KIFAP3: variants seen among roughly 807,000 people sequenced by gnomAD.
KIFAP3 encodes the protein kinesin associated protein 3.
In KIFAP3, 68 loss-of-function variants were observed where a neutral mutation model predicts 106.5. That is an observed-to-expected ratio of 0.64 (90% CI 0.53 to 0.78). The LOEUF (loss-of-function observed/expected upper bound fraction) is 0.78. KIFAP3 is among the 30% of genes least tolerant of loss of function. The pLI, the probability that KIFAP3 is intolerant of heterozygous loss-of-function variation, is 0.00. For missense variants in KIFAP3, 780 were observed against 941.8 expected, an observed-to-expected ratio of 0.83 and a Z score of 2.25; for synonymous variants, 320 against 311.5, an observed-to-expected ratio of 1.03 and a Z score of -0.29.
At chr1:170,017,489 T>A (rs1237580983) in intron 9 of KIFAP3, among the ~76,000 whole-genome samples, 1 of 152,142 alleles carries the variant, frequency 6.6e-6, no homozygotes. Flanking sequence ...AGCCAGTGGA[T>A]CGGCATTTAG....
intron 3 of KIFAP3, among the ~76,000 whole-genome samples, chr1:170,039,803 A>G (rs2102065608): frequency 6.6e-6 from 1 of 152,288 alleles, no homozygotes; most frequent in East Asian, 1.9e-4. Flanking sequence ...ATAATAAATT[A>G]AAAGGCAAAC....
intron 19 of KIFAP3, among the ~76,000 whole-genome samples, chr1:169,927,219 T>C (rs906156100): frequency 2.6e-5 from 4 of 152,102 alleles, no homozygotes; most frequent in African/African-American, 7.2e-5. Flanking sequence ...TACAATGTGG[T>C]TAAGTATAGT....
At chr1:170,024,623 A>C in intron 8 of KIFAP3, 27 bp from the exon 9 acceptor site, 1 of 1,337,514 alleles carries the variant, frequency 7.5e-7, no homozygotes, top group African/African-American at 1.5e-5. Flanking sequence ...TATGAGAGAT[A>C]AAGAATTAGT....
At chr1:169,985,372 T>C (rs1666768139) in intron 11 of KIFAP3, among the ~76,000 whole-genome samples, 1 of 151,806 alleles carries the variant, frequency 6.6e-6, no homozygotes. Context: ...AAAGGATTGA[T>C]TAGACATATA....
chr1:170,004,831 G>T (rs1304701907), intron 10 of KIFAP3, among the ~76,000 whole-genome samples: 5 of 149,942 alleles, frequency 3.3e-5, no homozygotes, highest in Non-Finnish European at 4.5e-5. Flanking sequence ...CAAAAGCAAT[G>T]GCAACAAAAG....
chr1:170,064,670 A>G (rs116437708), intron 1 of KIFAP3, among the ~76,000 whole-genome samples: 3,704 of 152,268 alleles, frequency 0.024, 134 homozygotes, highest in African/African-American at 0.072. Flanking sequence ...CTCATTTAAT[A>G]TGTTTATATC....
intron 1 of KIFAP3, among the ~76,000 whole-genome samples, chr1:170,070,612 C>T (rs1671659715): frequency 6.6e-6 from 1 of 151,992 alleles, no homozygotes; most frequent in South Asian, 2.1e-4. Flanking sequence ...ACTAGATAGT[C>T]ACATATAAAA....
intron 5 of KIFAP3, among the ~76,000 whole-genome samples, chr1:170,037,107 G>T (rs1261120772): frequency 6.6e-6 from 1 of 152,048 alleles, no homozygotes; most frequent in Non-Finnish European, 1.5e-5. Flanking sequence ...GTGTGGTATT[G>T]GTATGTATAT....
chr1:169,938,119 T>C (rs980407298), intron 19 of KIFAP3, among the ~76,000 whole-genome samples: 1 of 151,950 alleles, frequency 6.6e-6, no homozygotes, highest in African/African-American at 2.4e-5. Flanking sequence ...TGGGACATTA[T>C]AAGAGTTGCT....
At position 170,074,692 on chromosome 1, in the gene KIFAP3, G is replaced by T; in HGVS notation, c.-225C>A. 1 of 1,408,872 alleles carries T rather than the reference G, an allele frequency of 7.1e-7. No homozygotes were observed. The allele number at this position is 1,408,872 out of a possible 1,614,324, so 87.3% of individuals were successfully genotyped here. A position where few individuals can be genotyped will look rare whatever the true frequency, so the allele number is the denominator to read the frequency against. Reference sequence around the variant, plus strand: ...GAGCGGCCCAGACCCGCCCAGAGTCGCCTAAGCCGGGCCGTCACGACGCAT... The same window carrying T: ...GAGCGGCCCAGACCCGCCCAGAGTCTCCTAAGCCGGGCCGTCACGACGCAT... On this transcript the variant is annotated 5_prime_UTR_variant, in exon 1 of 20. Transcript: ENST00000361580.
intron 1 of KIFAP3, among the ~76,000 whole-genome samples, chr1:170,061,421 A>G (rs976781325): frequency 1.3e-5 from 2 of 152,240 alleles, no homozygotes; most frequent in African/African-American, 2.4e-5. Flanking sequence ...AATGCTCATC[A>G]TCACTGGCCA....
intron 19 of KIFAP3, among the ~76,000 whole-genome samples, chr1:169,935,463 G>A (rs1278139142): frequency 6.6e-6 from 1 of 151,660 alleles, no homozygotes. Context: ...GAAAAAGCAG[G>A]GTGTATCAAC....
chr1:170,080,376 C>A (rs940834085), intron 1 of KIFAP3, among the ~76,000 whole-genome samples: 1 of 152,008 alleles, frequency 6.6e-6, no homozygotes, highest in African/African-American at 2.4e-5. Flanking sequence ...TAACTCCAAT[C>A]AAATACTAGC....
chr1:169,982,156 G>C (rs1473723486), intron 14 of KIFAP3, 59 bp from the exon 15 acceptor site: 3 of 1,542,900 alleles, frequency 1.9e-6, no homozygotes, highest in African/African-American at 1.4e-5. Flanking sequence ...AATTCATTTA[G>C]AGTATCAAAA....
At chr1:169,952,919 T>C (rs1485762174) in intron 19 of KIFAP3, among the ~76,000 whole-genome samples, 1 of 152,108 alleles carries the variant, frequency 6.6e-6, no homozygotes, top group African/African-American at 2.4e-5. Context: ...CACAACTGTA[T>C]TGTTCATTTA....
At chr1:169,998,007 C>G (rs1267451866) in intron 10 of KIFAP3, among the ~76,000 whole-genome samples, 1 of 150,950 alleles carries the variant, frequency 6.6e-6, no homozygotes, top group Non-Finnish European at 1.5e-5. Flanking sequence ...ATCATTCTCT[C>G]ACTCTCATAG....
intron 19 of KIFAP3, among the ~76,000 whole-genome samples, chr1:169,949,176 T>G (rs1571544413): frequency 6.6e-6 from 1 of 151,942 alleles, no homozygotes; most frequent in East Asian, 1.9e-4. Context: ...AGAAGGCATA[T>G]GTATATGTAA....
intron 11 of KIFAP3, among the ~76,000 whole-genome samples, chr1:169,989,818 A>C (rs527797431): frequency 6.6e-6 from 1 of 152,094 alleles, no homozygotes; most frequent in Non-Finnish European, 1.5e-5. Context: ...TGAATAGCAA[A>C]TCACTTTTAG....
chr1:170,084,382 A>T (rs1672069813), intron 1 of KIFAP3, among the ~76,000 whole-genome samples: 1 of 152,256 alleles, frequency 6.6e-6, no homozygotes, highest in Non-Finnish European at 1.5e-5. Context: ...CATGGCACGT[A>T]GTACTAACAC....
Sources: gnomAD v4.1 joint callset for allele counts (sites outside exome capture counted in the v4.1 genomes callset) on GRCh38, gnomAD v4.1.1 for gene constraint, MANE v1.5 for transcripts, NCBI Gene and HGNC (gene_info 2026-07-23, HGNC 2026-07-21) for gene names.